NTNG2: variants seen among roughly 807,000 people sequenced by gnomAD.
NTNG2 encodes netrin-G2.
NTNG2 carries 15 observed loss-of-function variants against 47.6 expected under a neutral mutation model. The observed-to-expected ratio is 0.32, with a 90% CI of 0.21 to 0.49. The LOEUF (loss-of-function observed/expected upper bound fraction) is 0.49, where lower values mean the gene tolerates loss of function less well. NTNG2 is among the 20% of genes least tolerant of loss of function. NTNG2 has a pLI of 0.99. For synonymous variants in NTNG2, 307 were observed against 324.6 expected (o/e 0.95, Z 0.58); for missense variants, 578 against 764.6 (o/e 0.76, Z 2.88).
At chr9:132,189,498 T>C (rs1018423338) in intron 2 of NTNG2, among the ~76,000 whole-genome samples, 4 of 152,118 alleles carry the variant, frequency 2.6e-5, no homozygotes, top group African/African-American at 9.7e-5. Context: ...CCCTGCATCT[T>C]TGGAGATGAG....
At chr9:132,216,297 A>AATT (rs1290373038) in intron 3 of NTNG2, among the ~76,000 whole-genome samples, 3 of 152,068 alleles carry the variant, frequency 2.0e-5, no homozygotes, top group African/African-American at 7.3e-5. Context: ...ATTTACCAAA[A>AATT]ATTAAACCCA....
chr9:132,212,132 G>A (rs1041446548), intron 3 of NTNG2, among the ~76,000 whole-genome samples: 1 of 152,244 alleles, frequency 6.6e-6, no homozygotes, highest in South Asian at 2.1e-4. Context: ...TCCTTCTCCT[G>A]TTTTCCTTGT....
intron 2 of NTNG2, among the ~76,000 whole-genome samples, chr9:132,191,154 G>T (rs1031310036): frequency 1.3e-5 from 2 of 152,212 alleles, no homozygotes; most frequent in South Asian, 4.2e-4. Flanking sequence ...AACCCAGCCC[G>T]GGCACAGGGC....
chr9:132,177,262 C>T (rs1836536819), intron 2 of NTNG2, among the ~76,000 whole-genome samples: 1 of 152,266 alleles, frequency 6.6e-6, no homozygotes, highest in African/African-American at 2.4e-5. Context: ...GCTGGGACCA[C>T]AGGCGTGAGC....
chr9:132,167,178 A>T, intron 2 of NTNG2, 134 bp downstream of exon 2: 2 of 899,744 alleles, frequency 2.2e-6, no homozygotes, highest in Non-Finnish European at 3.4e-6. Context: ...CCAGGTCTGG[A>T]CCAGACCTGG....
chr9:132,199,648 T>A (rs1838590461), intron 3 of NTNG2, among the ~76,000 whole-genome samples: 1 of 152,210 alleles, frequency 6.6e-6, no homozygotes, highest in Non-Finnish European at 1.5e-5. Flanking sequence ...GAGCTGATAC[T>A]ACATGGCCCA....
chr9:132,192,075 C>A (rs895726422), intron 2 of NTNG2, among the ~76,000 whole-genome samples: 2 of 152,220 alleles, frequency 1.3e-5, no homozygotes, highest in African/African-American at 4.8e-5. Context: ...GTTCTGACTG[C>A]TGTTTTTGTG....
intron 2 of NTNG2, among the ~76,000 whole-genome samples, chr9:132,187,898 G>A (rs1408535374): frequency 6.6e-6 from 1 of 152,234 alleles, no homozygotes; most frequent in Non-Finnish European, 1.5e-5. Context: ...AGGGTCAGAG[G>A]CGGACAGCCC....
chr9:132,184,399 G>C (rs1837179206), intron 2 of NTNG2, among the ~76,000 whole-genome samples: 1 of 152,216 alleles, frequency 6.6e-6, no homozygotes, highest in African/African-American at 2.4e-5. Flanking sequence ...AGCACACAGT[G>C]GGGAGGGGAC....
intron 2 of NTNG2, among the ~76,000 whole-genome samples, chr9:132,174,144 C>T (rs1255004048): frequency 8.5e-6 from 1 of 117,722 alleles, no homozygotes; most frequent in Non-Finnish European, 1.7e-5. Flanking sequence ...AGGCAGGCCG[C>T]ACCATGCTGC....
intron 3 of NTNG2, among the ~76,000 whole-genome samples, chr9:132,214,127 G>A (rs1046200261): frequency 2.6e-5 from 4 of 152,192 alleles, no homozygotes; most frequent in East Asian, 1.9e-4. Context: ...CAAACTCACC[G>A]CTTCCTCCGT....
At chr9:132,164,103 C>T (rs912798390) in intron 1 of NTNG2, among the ~76,000 whole-genome samples, 1 of 152,172 alleles carries the variant, frequency 6.6e-6, no homozygotes, top group African/African-American at 2.4e-5. Flanking sequence ...GCAGAACCCG[C>T]CTGCAATATT....
intron 3 of NTNG2, among the ~76,000 whole-genome samples, chr9:132,216,410 CTCTCTG>C (rs1482075848): frequency 4.3e-5 from 4 of 92,800 alleles, no homozygotes; most frequent in East Asian, 3.1e-4. Flanking sequence ...CTCTCTCTCT[CTCTCTG>C]TGTGTGTGTG....
chr9:132,190,360 C>T (rs1837789860), intron 2 of NTNG2, among the ~76,000 whole-genome samples: 1 of 151,854 alleles, frequency 6.6e-6, no homozygotes, highest in African/African-American at 2.4e-5. Flanking sequence ...AGGGAGTGAG[C>T]CAGTGCATCC....
rs1383709916 is a variant in NTNG2, at chr9:132,221,997, G to C, written c.858-4852G>C. Reference sequence around the variant, plus strand: ...CGGAGCACAGCCCCGGTTCCGTACAGCTGAGGTGTTCCTCTCCAGCCAGCT... The same window carrying C: ...CGGAGCACAGCCCCGGTTCCGTACACCTGAGGTGTTCCTCTCCAGCCAGCT... On this transcript the variant is annotated intron_variant, in intron 3 of 7. Coordinates refer to ENST00000393229, the MANE Select transcript of NTNG2 (RefSeq NM_032536.4). The surrounding 1 kb of genome is among the most constrained non-coding windows in gnomAD (Gnocchi z 4.2). Among the ~76,000 whole-genome samples, 1 of 152,242 alleles carries C rather than the reference G, an allele frequency of 6.6e-6. No homozygotes were observed. Among genetic ancestry groups the C allele is most frequent in the African/African-American group, 2.4e-5 (1 of 41,458 alleles).
chr9:132,169,552 C>T (rs946700708), intron 2 of NTNG2, among the ~76,000 whole-genome samples: 4 of 152,248 alleles, frequency 2.6e-5, no homozygotes, highest in Non-Finnish European at 5.9e-5. Flanking sequence ...ATCCTGCCAA[C>T]ATCACTCCGT....
At chr9:132,181,322 C>CTT (rs781556504) in intron 2 of NTNG2, among the ~76,000 whole-genome samples, 7 of 130,658 alleles carry the variant, frequency 5.4e-5, no homozygotes, top group South Asian at 2.5e-4. Context: ...GGCTCACTTT[C>CTT]TTTTTTTTTT....
At chr9:132,179,191 A>G (rs994370276) in intron 2 of NTNG2, among the ~76,000 whole-genome samples, 11 of 152,202 alleles carry the variant, frequency 7.2e-5, no homozygotes, top group African/African-American at 2.7e-4. Flanking sequence ...CGTGCCCTGG[A>G]TCTGACTTCA....
rs1407522781 is a variant in NTNG2 at position 132,243,791 on chromosome 9, G to C, written c.*1680G>C. ...AGATTACAACACAGAAAAGGAGGGG[G>C]AGGCACAACGGGACACTGCATAGGA... is the stretch of plus-strand genomic sequence containing the variant. On this transcript the variant is annotated 3_prime_UTR_variant, in exon 8 of 8. Coordinates refer to ENST00000393229, the MANE Select transcript of NTNG2 (RefSeq NM_032536.4). 1 of 152,328 alleles carries C rather than the reference G, an allele frequency of 6.6e-6. No homozygotes were observed. Among genetic ancestry groups the C allele is most frequent in the African/African-American group, 2.4e-5 (1 of 41,430 alleles). 9.4% of individuals were successfully genotyped at this position (152,328 alleles called of 1,614,324 possible). A position where few individuals can be genotyped will look rare whatever the true frequency, so the allele number is the denominator to read the frequency against.
Sources: gnomAD v4.1 joint callset for allele counts (sites outside exome capture counted in the v4.1 genomes callset) on GRCh38, gnomAD v4.1.1 for gene constraint, Gnocchi (gnomAD v3.1) non-coding constraint, MANE v1.5 for transcripts, NCBI Gene and HGNC (gene_info 2026-07-23, HGNC 2026-07-21) for gene names.